DHX37: variants seen among roughly 807,000 people sequenced by gnomAD.
DHX37 encodes DEAH-box helicase 37.
A neutral mutation model predicts 134.3 loss-of-function variants in DHX37; 52 were observed. That is an observed-to-expected ratio of 0.39 (90% confidence interval 0.31 to 0.49). The LOEUF is 0.49. DHX37 is among the 20% of genes least tolerant of loss of function. DHX37 has a pLI of 0.93. For missense variants in DHX37, 1,344 were observed against 1,580.8 expected (o/e 0.85, Z 2.54); for synonymous variants, 634 against 670.7 (o/e 0.95, Z 0.85).
Position 124,954,200 on chromosome 12 carries a change from C to T in DHX37, c.2465G>A (p.Ser822Asn). The stretch of plus-strand genomic sequence containing the variant: ...CTTCAGCCTGGTGAGCTCCTCGTCA[C>T]TGGCCGCTGGTCTGCAAACACACAT... ...LFEELDRPAA[S>N]DEELTRLKSK... Residue 822 changes from serine to asparagine, a missense_variant, in exon 19 of 27, where the codon AGT (serine) becomes AAT (asparagine). Physicochemically the swap from Ser to Asn is conservative, Grantham distance 46 (BLOSUM62 1). Transcript: ENST00000308736. 1 of 1,598,190 alleles carries T rather than the reference C, an allele frequency of 6.3e-7. No individual in the cohort carries two copies. The highest frequency in any genetic ancestry group is 8.5e-7 in the Non-Finnish European group (1 of 1,173,490).
chr12:124,985,608 G>T (rs564613775), intron 2 of DHX37, among the ~76,000 whole-genome samples: 186 of 149,308 alleles, frequency 1.2e-3, no homozygotes, highest in African/African-American at 4.4e-3. Flanking sequence ...ATAGCCTGAC[G>T]TGGTGGCACG....
chr12:124,982,122 C>CAAA (rs1224123465), intron 3 of DHX37, among the ~76,000 whole-genome samples: 3 of 117,502 alleles, frequency 2.6e-5, no homozygotes, highest in African/African-American at 6.2e-5. Context: ...GACTCTGTCT[C>CAAA]AAAAAAAAAA....
chr12:124,950,335 G>T (rs1953951692), intron 23 of DHX37, 78 bp downstream of exon 23: 1 of 1,601,254 alleles, frequency 6.2e-7, no homozygotes, highest in Non-Finnish European at 8.5e-7. Context: ...ACGTCCGGGG[G>T]CAGGGGACAG....
Position 124,964,537 on chromosome 12 carries a change from G to A in DHX37, c.1902C>T (p.Tyr634=), listed in dbSNP as rs570040386. 16 of 1,613,762 alleles carry A rather than the reference G, an allele frequency of 9.9e-6. No homozygotes were observed. The highest frequency in any genetic ancestry group is 3.3e-5 in the South Asian group (3 of 91,078). Residue 634 remains tyrosine, a synonymous_variant, in exon 15 of 27, where the codon TAC becomes TAT. Transcript: ENST00000308736. ...TCTTGACCTTCCCACAGTCCACCAC[G>A]TACTTGATGCCAGGGATGGTAAGCG... The part of the protein sequence containing the change: ...ETSLTIPGIK[Y]VVDCGKVKKR...
At position 124,964,389 on chromosome 12, in the gene DHX37, C is replaced by G. The variant is rs1954335277; in HGVS notation, c.2045+5G>C. The stretch of plus-strand genomic sequence containing the variant: ...CGTCCCTGAGGAGGAGCCTGGGTGA[C>G]CCACCTGTAGCAGTGGCCGGGCTCC... On this transcript the variant is annotated splice_donor_5th_base_variant and intron_variant, in intron 15 of 26. Transcript: ENST00000308736. The G allele has an allele frequency of 1.9e-6, 3 of 1,612,732 alleles. No individual in the cohort carries two copies. The highest frequency in any genetic ancestry group is 8.5e-7 in the Non-Finnish European group (1 of 1,179,800).
chr12:124,967,322 T>C, intron 10 of DHX37, 104 bp from the exon 11 acceptor site: 1 of 1,276,082 alleles, frequency 7.8e-7, no homozygotes, highest in Non-Finnish European at 1.1e-6. Context: ...GTTCCAGGGA[T>C]AATGGGGGAG....
At chr12:124,986,977 C>A (rs1171230487) in intron 1 of DHX37, among the ~76,000 whole-genome samples, 1 of 152,026 alleles carries the variant, frequency 6.6e-6, no homozygotes, top group Non-Finnish European at 1.5e-5. Flanking sequence ...AACTCCTGAC[C>A]CCCAAGTGAG....
In DHX37 at chr12:124,956,673, C is replaced by T. The variant is rs992407632; in HGVS notation, c.2453+18G>A. 2 of 1,525,050 alleles carry T rather than the reference C, an allele frequency of 1.3e-6. No individual in the cohort carries two copies. The highest frequency in any genetic ancestry group is 2.8e-5 in the African/African-American group (2 of 70,870). The allele number at this position is 1,525,050 out of a possible 1,614,324, so 94.5% of individuals were successfully genotyped here. ...GGAACTGAGCTTGGCCCTGAGTGCC[C>T]AGCCGCCAACCTCGCACCTGTCCAG... On this transcript the variant is annotated intron_variant, in intron 18 of 26. Transcript: ENST00000308736.
At chr12:124,974,195 C>A (rs1183012438) in intron 6 of DHX37, among the ~76,000 whole-genome samples, 1 of 151,980 alleles carries the variant, frequency 6.6e-6, no homozygotes, top group East Asian at 1.9e-4. Context: ...ACCTCATGAT[C>A]CACCTGCCTC....
At chr12:124,984,939 G>A (rs1471424079) in intron 2 of DHX37, among the ~76,000 whole-genome samples, 3 of 152,116 alleles carry the variant, frequency 2.0e-5, no homozygotes, top group South Asian at 2.1e-4. Flanking sequence ...ATCTGAGCGC[G>A]ACCTAAATCC....
intron 4 of DHX37, among the ~76,000 whole-genome samples, chr12:124,978,679 G>A (rs184322471): frequency 5.3e-5 from 8 of 149,734 alleles, no homozygotes; most frequent in Middle Eastern, 3.5e-3. Flanking sequence ...TAATCCCAGC[G>A]ACTTGAGAGG....
chr12:124,969,731 C>G (rs6488964), intron 8 of DHX37, among the ~76,000 whole-genome samples: 104,294 of 151,758 alleles, frequency 0.69, 36,284 homozygotes, highest in East Asian at 0.85. Flanking sequence ...ACTGCTGGTG[C>G]GGAAGTACCA....
intron 16 of DHX37, 94 bp from the exon 17 acceptor site, chr12:124,957,229 C>T (rs1259269886): frequency 1.7e-6 from 2 of 1,202,600 alleles, no homozygotes; most frequent in Admixed American, 6.1e-5. Flanking sequence ...CCTCCAACCC[C>T]TCTCTCCGGG....
At chr12:124,976,484 G>T (rs1424855609) in intron 5 of DHX37, among the ~76,000 whole-genome samples, 2 of 152,180 alleles carry the variant, frequency 1.3e-5, no homozygotes, top group Admixed American at 1.3e-4. Flanking sequence ...GGTCGAGGTG[G>T]GTGGATCACA....
intron 15 of DHX37, among the ~76,000 whole-genome samples, chr12:124,961,336 A>G (rs113629308): frequency 4.9e-5 from 5 of 102,766 alleles, no homozygotes; most frequent in African/African-American, 2.2e-4. Context: ...ACGTGCACGC[A>G]CACACACACA....
At chr12:124,968,773 C>G (rs900512136) in intron 9 of DHX37, 94 bp downstream of exon 9, 1 of 1,595,908 alleles carries the variant, frequency 6.3e-7, no homozygotes, top group African/African-American at 1.3e-5. Flanking sequence ...CTGTCAATCC[C>G]CCCTGTGACC....
intron 25 of DHX37, 21 bp from the exon 26 acceptor site, chr12:124,948,202 T>C (rs767290639): frequency 2.5e-6 from 4 of 1,609,710 alleles, no homozygotes; most frequent in African/African-American, 2.7e-5. Flanking sequence ...GGAATGCACG[T>C]TGGTGGCAGG....
At chr12:124,962,586 G>A (rs1309822043) in intron 15 of DHX37, among the ~76,000 whole-genome samples, 4 of 152,360 alleles carry the variant, frequency 2.6e-5, no homozygotes, top group Non-Finnish European at 5.9e-5. Flanking sequence ...AATCCTGGAA[G>A]CGGAGGTTGC....
intron 17 of DHX37, 40 bp downstream of exon 17, chr12:124,956,989 G>A (rs764481060): frequency 7.2e-6 from 11 of 1,524,770 alleles, no homozygotes; most frequent in Non-Finnish European, 8.8e-6. Context: ...AGAGGGCCCT[G>A]AACGGGGCAG....
Sources: gnomAD v4.1 joint callset for allele counts (sites outside exome capture counted in the v4.1 genomes callset) on GRCh38, gnomAD v4.1.1 for gene constraint, MANE v1.5 for transcripts, NCBI Gene and HGNC (gene_info 2026-07-23, HGNC 2026-07-21) for gene names.